Variants in MSRA observed in about 807,000 individuals in gnomAD.
The protein encoded by MSRA is methionine sulfoxide reductase A.
A neutral mutation model predicts 31.3 loss-of-function variants in MSRA; 54 were observed. The ratio of observed to expected loss-of-function variants is 1.73; its 90% CI spans 1.39 to 2.17. The LOEUF (loss-of-function observed/expected upper bound fraction) is 2.17, where lower values mean the gene tolerates loss of function less well. MSRA is among the 30% of genes most tolerant of loss of function. The pLI, the probability that MSRA is intolerant of heterozygous loss-of-function variation, is 0.00. For synonymous variants in MSRA, 169 were observed against 116.5 expected, an observed-to-expected ratio of 1.45 and a Z score of -2.90; for missense variants, 507 against 300.9, an observed-to-expected ratio of 1.69 and a Z score of -5.07.
chr8:10,300,495 A>G (rs1800784405), intron 3 of MSRA, among the ~76,000 whole-genome samples: 1 of 152,088 alleles, frequency 6.6e-6, no homozygotes, highest in African/African-American at 2.4e-5. Flanking sequence ...ACCTCAAGTG[A>G]TCCGCCTGCC....
At chr8:10,426,598 C>G (rs926704314) in intron 5 of MSRA, among the ~76,000 whole-genome samples, 1 of 152,248 alleles carries the variant, frequency 6.6e-6, no homozygotes, top group Non-Finnish European at 1.5e-5. Flanking sequence ...GAATCTGAAG[C>G]AGGGCCTTGC....
chr8:10,089,138 CCACACACACA>C (rs10566550), intron 1 of MSRA, among the ~76,000 whole-genome samples: 2 of 150,012 alleles, frequency 1.3e-5, no homozygotes, highest in Non-Finnish European at 3.0e-5. Context: ...TGCTTTTGTC[CCACACACACA>C]CACACACACA....
intron 1 of MSRA, among the ~76,000 whole-genome samples, chr8:10,113,708 A>G (rs965948287): frequency 3.3e-5 from 5 of 151,988 alleles, no homozygotes; most frequent in African/African-American, 1.2e-4. Flanking sequence ...TGGTGACACC[A>G]ATCTGTGAGT....
intron 3 of MSRA, among the ~76,000 whole-genome samples, chr8:10,267,273 G>A (rs191673359): frequency 2.6e-4 from 39 of 152,304 alleles, no homozygotes; most frequent in African/African-American, 7.7e-4. Flanking sequence ...GGGCTCTGCC[G>A]TTCATGACAA....
At position 10,194,136 on chromosome 8, in the gene MSRA, C is replaced by G. The variant is rs79329750; in HGVS notation, c.143-13697C>G. On this transcript the variant is annotated intron_variant, in intron 1 of 5. Transcript: ENST00000317173. ...GAAAGGCAAAATACTTGCTGCTGTACGAGTCTCACTCTCCCCCTCTCTCCT... is the reference window on the plus strand; with the variant it reads ...GAAAGGCAAAATACTTGCTGCTGTAGGAGTCTCACTCTCCCCCTCTCTCCT... Among the ~76,000 whole-genome samples the G allele has an allele frequency of 3.9e-3, 589 of 152,222 alleles. 6 individuals carry two copies. The highest frequency in any genetic ancestry group is 0.013 in the African/African-American group (560 of 41,510).
chr8:10,157,761 CT>C (rs1181714522), intron 1 of MSRA, among the ~76,000 whole-genome samples: 2 of 152,040 alleles, frequency 1.3e-5, no homozygotes, highest in Admixed American at 6.6e-5. Flanking sequence ...CTCTCTCCCC[CT>C]CTCTCTGCCC....
chr8:10,418,843 C>CA lies in MSRA; in HGVS notation c.544-9293dup, dbSNP rs33958722. On this transcript the variant is annotated intron_variant, in intron 5 of 5. Transcript: ENST00000317173. ...AAAAAAAAAAAAAAAAAAAAACCAACAAAAAAAAAAAACACCAACAGGGAG... is the reference window on the plus strand; with the variant it reads ...AAAAAAAAAAAAAAAAAAAAACCAACAAAAAAAAAAAAACACCAACAGGGAG... Among the ~76,000 whole-genome samples the CA allele has an allele frequency of 7.8e-4, 78 of 100,024 alleles. 1 individual carries two copies. The highest frequency in any genetic ancestry group is 6.9e-3 in the Middle Eastern group (1 of 144). The allele number at this position is 100,024 out of a possible 152,430, so 65.6% of individuals were successfully genotyped here. A position where few individuals can be genotyped will look rare whatever the true frequency, so the allele number is the denominator to read the frequency against.
intron 1 of MSRA, among the ~76,000 whole-genome samples, chr8:10,116,317 G>C (rs1800673935): frequency 6.6e-6 from 1 of 152,200 alleles, no homozygotes; most frequent in South Asian, 2.1e-4. Flanking sequence ...GCCCAAGGCA[G>C]TTCTTCTTCC....
chr8:10,279,383 T>C (rs1174457501), intron 3 of MSRA, among the ~76,000 whole-genome samples: 2 of 152,206 alleles, frequency 1.3e-5, no homozygotes, highest in Non-Finnish European at 2.9e-5. Context: ...AAATCAGCAA[T>C]ATCAAAGCTA....
At chr8:10,340,212 C>G (rs1251774148) in intron 5 of MSRA, among the ~76,000 whole-genome samples, 1 of 152,136 alleles carries the variant, frequency 6.6e-6, no homozygotes, top group Non-Finnish European at 1.5e-5. Context: ...CCCAGCAGAG[C>G]TTGGTGCCAT....
intron 3 of MSRA, among the ~76,000 whole-genome samples, chr8:10,272,692 C>A (rs1006438392): frequency 6.6e-6 from 1 of 152,194 alleles, no homozygotes; most frequent in Non-Finnish European, 1.5e-5. Context: ...TACCCTCAAA[C>A]GAATTCTACA....
intron 5 of MSRA, among the ~76,000 whole-genome samples, chr8:10,375,921 C>G (rs1563409677): frequency 6.6e-6 from 1 of 152,214 alleles, no homozygotes; most frequent in Non-Finnish European, 1.5e-5. Context: ...ATCAGTGCTA[C>G]TTTGGAGGTT....
intron 5 of MSRA, among the ~76,000 whole-genome samples, chr8:10,408,378 A>T (rs914647361): frequency 2.0e-5 from 3 of 151,892 alleles, no homozygotes; most frequent in African/African-American, 7.3e-5. Flanking sequence ...CTCTACCAAA[A>T]TTTTTTTTAA....
At chr8:10,288,054 G>A (rs979251471) in intron 3 of MSRA, among the ~76,000 whole-genome samples, 38 of 152,146 alleles carry the variant, frequency 2.5e-4, no homozygotes, top group Admixed American at 2.0e-3. Flanking sequence ...AATCCCTCCT[G>A]TGGTTGTGAT....
At chr8:10,355,326 G>A (rs903908842) in intron 5 of MSRA, among the ~76,000 whole-genome samples, 2 of 152,190 alleles carry the variant, frequency 1.3e-5, no homozygotes, top group Non-Finnish European at 2.9e-5. Flanking sequence ...TCAGAGACTC[G>A]GGATTTTTGA....
chr8:10,271,290 C>T (rs1400643467), intron 3 of MSRA, among the ~76,000 whole-genome samples: 7 of 152,158 alleles, frequency 4.6e-5, no homozygotes, highest in Middle Eastern at 3.4e-3. Flanking sequence ...GGGAAGCAAG[C>T]AGGCAAACCC....
chr8:10,381,444 AG>A (rs1806063953), intron 5 of MSRA, among the ~76,000 whole-genome samples: 1 of 152,170 alleles, frequency 6.6e-6, no homozygotes, highest in African/African-American at 2.4e-5. Flanking sequence ...AGAACATTTC[AG>A]GGGAAGAGCT....
At chr8:10,415,553 G>C (rs1010610365) in intron 5 of MSRA, among the ~76,000 whole-genome samples, 2 of 152,064 alleles carry the variant, frequency 1.3e-5, no homozygotes, top group East Asian at 1.9e-4. Flanking sequence ...GCAGAAATAG[G>C]CCACAGCTTG....
chr8:10,134,395 G>A (rs983830510), intron 1 of MSRA, among the ~76,000 whole-genome samples: 1 of 152,222 alleles, frequency 6.6e-6, no homozygotes, highest in African/African-American at 2.4e-5. Context: ...CAGACAGACT[G>A]CAGATACGTG....
Sources: allele counts gnomAD v4.1 joint callset (sites outside exome capture counted in the v4.1 genomes callset), GRCh38; gene constraint gnomAD v4.1.1; transcripts MANE v1.5; gene names NCBI Gene and HGNC (gene_info 2026-07-23, HGNC 2026-07-21).